The following ZNF804B variants were observed in gnomAD, a reference collection of about 807,000 sequenced individuals.
ZNF804B encodes the protein zinc finger 804B.
In ZNF804B, 80 loss-of-function variants were observed where a neutral mutation model predicts 101.4. That is an observed-to-expected ratio of 0.79 (90% CI 0.66 to 0.95). The LOEUF (loss-of-function observed/expected upper bound fraction) is 0.95, where lower values mean the gene tolerates loss of function less well. ZNF804B is among the 40% of genes least tolerant of loss of function. The pLI is 0.00. For missense variants in ZNF804B, 1,673 were observed against 1,561.9 expected (o/e 1.07, Z -1.20); for synonymous variants, 622 against 558.8 (o/e 1.11, Z -1.59).
At chr7:88,786,357 C>T (rs1277193753) in intron 1 of ZNF804B, among the ~76,000 whole-genome samples, 1 of 151,954 alleles carries the variant, frequency 6.6e-6, no homozygotes, top group African/African-American at 2.4e-5. Flanking sequence ...AATGGGCAAT[C>T]AATAAATAAT....
At chr7:88,777,349 C>T (rs2115649902) in intron 1 of ZNF804B, among the ~76,000 whole-genome samples, 1 of 152,328 alleles carries the variant, frequency 6.6e-6, no homozygotes, top group South Asian at 2.1e-4. Flanking sequence ...CTTCTCCTAA[C>T]TTCCACTCTC....
chr7:88,953,352 C>G (rs1332978536), intron 1 of ZNF804B, among the ~76,000 whole-genome samples: 1 of 151,716 alleles, frequency 6.6e-6, no homozygotes, highest in Non-Finnish European at 1.5e-5. Context: ...ATGTCACTTT[C>G]TCAGATAGAC....
chr7:88,879,625 A>C (rs993340742), intron 1 of ZNF804B, among the ~76,000 whole-genome samples: 1 of 152,210 alleles, frequency 6.6e-6, no homozygotes, highest in South Asian at 2.1e-4. Context: ...TACCAGGGTC[A>C]GTAAATTCCA....
At chr7:88,864,971 G>A (rs1036083612) in intron 1 of ZNF804B, among the ~76,000 whole-genome samples, 5 of 152,170 alleles carry the variant, frequency 3.3e-5, no homozygotes, top group African/African-American at 1.2e-4. Flanking sequence ...GCTCATGCCT[G>A]TAATCCCAGC....
In ZNF804B at chr7:88,976,764, G is replaced by A. The variant is rs114472544; in HGVS notation, c.108+216680G>A. Among the ~76,000 whole-genome samples, 458 of 151,656 alleles carry A rather than the reference G, an allele frequency of 3.0e-3. 2 individuals are homozygous for A. The highest frequency in any genetic ancestry group is 0.01 in the African/African-American group (433 of 41,498). On this transcript the variant is annotated intron_variant, in intron 1 of 3. Coordinates refer to ENST00000333190, the MANE Select transcript of ZNF804B (RefSeq NM_181646.5). ...CTGATTGCTCTAGCTAGGGCTTCCA[G>A]TACTATATTAAATAACAGGGATAAA... is the stretch of plus-strand genomic sequence containing the variant.
At chr7:88,822,984 G>A (rs1247139957) in intron 1 of ZNF804B, among the ~76,000 whole-genome samples, 2 of 152,132 alleles carry the variant, frequency 1.3e-5, no homozygotes, top group African/African-American at 4.8e-5. Context: ...GCTGAGGCGG[G>A]TGTACCACAA....
chr7:89,086,961 C>A (rs1206942313), intron 1 of ZNF804B, among the ~76,000 whole-genome samples: 1 of 150,782 alleles, frequency 6.6e-6, no homozygotes, highest in Non-Finnish European at 1.5e-5. Flanking sequence ...TGCACATGTA[C>A]CCTAAAACTT....
intron 2 of ZNF804B, among the ~76,000 whole-genome samples, chr7:89,220,049 A>ATATACGCACATATATATGTGTG (rs1431553155): frequency 9.8e-6 from 1 of 101,900 alleles, no homozygotes; most frequent in African/African-American, 4.2e-5. Context: ...ATATGTGCAT[A>ATATACGCACATATATATGTGTG]TATACATATA....
intron 1 of ZNF804B, among the ~76,000 whole-genome samples, chr7:89,177,932 C>T (rs943497132): frequency 3.2e-5 from 4 of 124,514 alleles, no homozygotes; most frequent in African/African-American, 1.1e-4. Context: ...GAGACTCTGT[C>T]TCAAAAAAAA....
chr7:88,810,664 C>T (rs912140320), intron 1 of ZNF804B, among the ~76,000 whole-genome samples: 1 of 123,224 alleles, frequency 8.1e-6, no homozygotes, highest in African/African-American at 3.3e-5. Context: ...CCCTGTCTCA[C>T]ATTTAAAAAA....
intron 2 of ZNF804B, among the ~76,000 whole-genome samples, chr7:89,270,705 C>T (rs1051403590): frequency 6.6e-6 from 1 of 152,040 alleles, no homozygotes; most frequent in South Asian, 2.1e-4. Flanking sequence ...TGAGCATGGA[C>T]TATTTTTCCA....
At chr7:88,791,609 G>A (rs1790381864) in intron 1 of ZNF804B, among the ~76,000 whole-genome samples, 1 of 152,070 alleles carries the variant, frequency 6.6e-6, no homozygotes, top group Non-Finnish European at 1.5e-5. Context: ...ATGCCAGGCA[G>A]TGTGTTGAAT....
At chr7:88,799,201 T>A (rs1249629854) in intron 1 of ZNF804B, among the ~76,000 whole-genome samples, 1 of 152,128 alleles carries the variant, frequency 6.6e-6, no homozygotes, top group Non-Finnish European at 1.5e-5. Context: ...ATGTCCTTTT[T>A]GTTTTTGTAA....
chr7:89,038,052 A>G (rs1788956213), intron 1 of ZNF804B, among the ~76,000 whole-genome samples: 1 of 152,134 alleles, frequency 6.6e-6, no homozygotes. Flanking sequence ...CATGCATATC[A>G]TATTTTCTTT....
At chr7:88,779,902 G>A (rs546005411) in intron 1 of ZNF804B, among the ~76,000 whole-genome samples, 22 of 152,082 alleles carry the variant, frequency 1.4e-4, no homozygotes, top group Non-Finnish European at 2.5e-4. Flanking sequence ...TAGCCCTAAG[G>A]TGCTACAGGG....
chr7:89,295,118 G>A (rs892141428), intron 2 of ZNF804B, among the ~76,000 whole-genome samples: 3 of 152,072 alleles, frequency 2.0e-5, no homozygotes, highest in African/African-American at 7.2e-5. Flanking sequence ...GCAATTATAT[G>A]AGCACCCTGA....
intron 1 of ZNF804B, among the ~76,000 whole-genome samples, chr7:88,949,026 A>T (rs1330241579): frequency 6.6e-6 from 1 of 151,268 alleles, no homozygotes; most frequent in Non-Finnish European, 1.5e-5. Flanking sequence ...TGAGTTGAGA[A>T]AGCGTTGGTG....
At chr7:88,808,082 C>G (rs1343875910) in intron 1 of ZNF804B, among the ~76,000 whole-genome samples, 2 of 152,082 alleles carry the variant, frequency 1.3e-5, no homozygotes. Context: ...AATATGTACT[C>G]ACTTTATCTC....
intron 1 of ZNF804B, among the ~76,000 whole-genome samples, chr7:88,820,335 C>T (rs1424255429): frequency 6.6e-6 from 1 of 152,162 alleles, no homozygotes; most frequent in African/African-American, 2.4e-5. Flanking sequence ...TCAATGAGTA[C>T]CATTTCTTAA....
Sources: gnomAD v4.1 joint callset for allele counts (sites outside exome capture counted in the v4.1 genomes callset) on GRCh38, gnomAD v4.1.1 for gene constraint, MANE v1.5 for transcripts, NCBI Gene and HGNC (gene_info 2026-07-23, HGNC 2026-07-21) for gene names.